The following NFIA variants were observed in gnomAD, a reference collection of about 807,000 sequenced individuals.
The protein encoded by NFIA is nuclear factor I A.
Under a neutral mutation model 62.8 loss-of-function variants are expected in NFIA, and 8 were observed. The ratio of observed to expected loss-of-function variants is 0.13; its 90% CI spans 0.07 to 0.23. The LOEUF is 0.23. NFIA is among the 10% of genes least tolerant of loss of function. NFIA has a pLI of 1.00. For missense variants in NFIA, 410 were observed against 642.1 expected, an observed-to-expected ratio of 0.64 and a Z score of 3.91; for synonymous variants, 235 against 238.1, an observed-to-expected ratio of 0.99 and a Z score of 0.12.
At chr1:61,133,073 A>T (rs1247181368) in intron 2 of NFIA, 2 of 152,132 alleles carry the variant, frequency 1.3e-5, no homozygotes, top group Non-Finnish European at 1.5e-5. Flanking sequence ...GCTTAAAACG[A>T]TCCTGTAAAA....
At chr1:61,399,260 C>G (rs1306744769) in intron 7 of NFIA, among the ~76,000 whole-genome samples, 1 of 152,208 alleles carries the variant, frequency 6.6e-6, no homozygotes, top group African/African-American at 2.4e-5. Context: ...GATGCCAGGG[C>G]TCAGGAGTGA....
At position 61,335,842 on chromosome 1, in the gene NFIA, C is replaced by CA. The variant is rs112058357; in HGVS notation, c.700+3267dup. On this transcript the variant is annotated intron_variant, in intron 4 of 10. Coordinates refer to ENST00000403491, the MANE Select transcript of NFIA (RefSeq NM_001134673.4). ...GGGTGACAAGGGCGAGACTCCATCT[C>CA]AAAAAAAAAAAGAAATAAGCTAACT... 6.3e-3 allele frequency among the ~76,000 whole-genome samples: 846 copies of CA among 133,308 alleles called. 9 individuals are homozygous for CA. Among genetic ancestry groups the CA allele is most frequent in the African/African-American group, 0.013 (487 of 36,200 alleles). 87.5% of individuals were successfully genotyped at this position (133,308 alleles called of 152,430 possible). A position where few individuals can be genotyped will look rare whatever the true frequency, so the allele number is the denominator to read the frequency against.
upstream of NFIA, among the ~76,000 whole-genome samples, chr1:61,079,510 T>C (rs1400237369): frequency 6.6e-6 from 1 of 152,168 alleles, no homozygotes; most frequent in Non-Finnish European, 1.5e-5. Context: ...AGAATATGGA[T>C]AGCAGAGAGC....
intron 10 of NFIA, among the ~76,000 whole-genome samples, chr1:61,441,863 G>A (rs1667597464): frequency 6.6e-6 from 1 of 151,994 alleles, no homozygotes; most frequent in Non-Finnish European, 1.5e-5. Flanking sequence ...GAAGTCTGAA[G>A]ATGTACCAAA....
chr1:61,077,734 C>G (rs1217002183), upstream of NFIA: 2 of 767,852 alleles, frequency 2.6e-6, no homozygotes, highest in East Asian at 2.9e-5. Context: ...ATTTCTCTAG[C>G]TCGCATATGC....
chr1:61,346,796 A>G (rs1325301452), intron 4 of NFIA, among the ~76,000 whole-genome samples: 2 of 152,180 alleles, frequency 1.3e-5, no homozygotes, highest in African/African-American at 2.4e-5. Flanking sequence ...GTGATTTGTA[A>G]AGAAAAGAGG....
At chr1:61,443,594 G>A (rs1667680237) in intron 10 of NFIA, among the ~76,000 whole-genome samples, 1 of 152,166 alleles carries the variant, frequency 6.6e-6, no homozygotes, top group Non-Finnish European at 1.5e-5. Flanking sequence ...TCACCTATCA[G>A]GAAAGGACTG....
At chr1:61,134,234 CTGTGTG>C (rs200503542) in intron 2 of NFIA, among the ~76,000 whole-genome samples, 2 of 129,726 alleles carry the variant, frequency 1.5e-5, no homozygotes, top group Admixed American at 1.7e-4. Context: ...GCTTTACAGA[CTGTGTG>C]TGTGAGTGTG....
chr1:61,077,896 A>G (rs1646051287), upstream of NFIA, among the ~76,000 whole-genome samples: 1 of 147,194 alleles, frequency 6.8e-6, no homozygotes, highest in Non-Finnish European at 1.5e-5. Flanking sequence ...TGAGCTTGAC[A>G]GATTTTTTTT....
chr1:61,208,229 G>T (rs1383238691), intron 2 of NFIA, among the ~76,000 whole-genome samples: 1 of 152,006 alleles, frequency 6.6e-6, no homozygotes, highest in Non-Finnish European at 1.5e-5. Flanking sequence ...TTGTACACCA[G>T]TAAAATCTTG....
In NFIA at chr1:61,177,653, T is replaced by TTGTGTG. The variant is rs56299869; in HGVS notation, c.559+89001_559+89006dup. Among the ~76,000 whole-genome samples, 1,396 of 146,148 alleles carry TTGTGTG rather than the reference T, an allele frequency of 9.6e-3. 27 individuals are homozygous for TTGTGTG. The highest frequency in any genetic ancestry group is 0.028 in the African/African-American group (1,121 of 39,944). ...GTTTATAGTAAGAATGTTTTCTCTA[T>TTGTGTG]TGTGTGTGTGTGTGTGTGTGTGTGT... On this transcript the variant is annotated intron_variant, in intron 2 of 10. Coordinates refer to ENST00000403491, the MANE Select transcript of NFIA (RefSeq NM_001134673.4).
rs1668384632 is a variant in NFIA, at chr1:61,458,129, CT to C, written c.*2812del. The C allele has an allele frequency of 6.6e-6, 1 of 151,398 alleles. No homozygotes were observed. Among genetic ancestry groups the C allele is most frequent in the Non-Finnish European group, 1.5e-5 (1 of 67,960 alleles). The allele number at this position is 151,398 out of a possible 1,614,324, so 9.4% of individuals were successfully genotyped here. A position where few individuals can be genotyped will look rare whatever the true frequency, so the allele number is the denominator to read the frequency against. On this transcript the variant is annotated 3_prime_UTR_variant, in exon 11 of 11. Transcript: ENST00000403491. Reference sequence around the variant, plus strand: ...TCACTTCCTATAGCCAGCCAGCATACTTTGCCTTCCCCTATAGCACTTAGCT... The same window carrying C: ...TCACTTCCTATAGCCAGCCAGCATACTTGCCTTCCCCTATAGCACTTAGCT...
chr1:61,332,436 A>G (rs1190497173), intron 3 of NFIA, 76 bp from the exon 4 acceptor site: 13 of 1,371,732 alleles, frequency 9.5e-6, no homozygotes, highest in Non-Finnish European at 1.4e-5. Context: ...ATCATAATGA[A>G]ACTAATATTT....
intron 2 of NFIA, among the ~76,000 whole-genome samples, chr1:61,157,487 T>C (rs1380077535): frequency 6.6e-6 from 1 of 152,226 alleles, no homozygotes; most frequent in Admixed American, 6.5e-5. Context: ...TTATTAAAGC[T>C]TGTCTGAGTA....
intron 4 of NFIA, among the ~76,000 whole-genome samples, chr1:61,351,599 A>G (rs920083141): frequency 3.7e-4 from 57 of 152,338 alleles, no homozygotes; most frequent in Admixed American, 2.2e-3. Context: ...TTATTTGTCC[A>G]TTGGAAAACA....
chr1:61,458,763 G>A lies in NFIA; in HGVS notation c.*3443G>A, dbSNP rs1668415107. On this transcript the variant is annotated 3_prime_UTR_variant, in exon 11 of 11. Transcript: ENST00000403491. ...AATGGTATAGCATATTCCTATGCTT[G>A]AGAAGTATAGGTCTACTGAAAAACC... is the stretch of plus-strand genomic sequence containing the variant. 7.0e-6 allele frequency: 1 copy of A among 143,674 alleles called. No homozygotes were observed. Among genetic ancestry groups the A allele is most frequent in the South Asian group, 2.2e-4 (1 of 4,582 alleles). The allele number at this position is 143,674 out of a possible 1,614,324, so 8.9% of individuals were successfully genotyped here. A position where few individuals can be genotyped will look rare whatever the true frequency, so the allele number is the denominator to read the frequency against.
intron 3 of NFIA, among the ~76,000 whole-genome samples, chr1:61,287,315 G>A (rs961037140): frequency 6.6e-5 from 10 of 152,090 alleles, no homozygotes; most frequent in Admixed American, 3.9e-4. Context: ...GTTTTCCCTC[G>A]TGCATATTAC....
At chr1:61,230,815 C>A (rs1461417131) in intron 2 of NFIA, among the ~76,000 whole-genome samples, 1 of 152,224 alleles carries the variant, frequency 6.6e-6, no homozygotes, top group Non-Finnish European at 1.5e-5. Context: ...TTTACCAGTG[C>A]CTCAGTACTG....
At chr1:61,319,905 G>C (rs1461793312) in intron 3 of NFIA, among the ~76,000 whole-genome samples, 1 of 151,634 alleles carries the variant, frequency 6.6e-6, no homozygotes, top group Non-Finnish European at 1.5e-5. Flanking sequence ...TCTGATCTGG[G>C]CAGAGATTGT....
Sources: gnomAD v4.1 joint callset for allele counts (sites outside exome capture counted in the v4.1 genomes callset) on GRCh38, gnomAD v4.1.1 for gene constraint, MANE v1.5 for transcripts, NCBI Gene and HGNC (gene_info 2026-07-23, HGNC 2026-07-21) for gene names.